The following KCNG2 variants were observed in gnomAD, a reference collection of about 807,000 sequenced individuals.
The protein encoded by KCNG2 is voltage-gated potassium channel regulatory subunit KCNG2.
Under a neutral mutation model 12.3 loss-of-function variants are expected in KCNG2, and 7 were observed. That is an observed-to-expected ratio of 0.57 (90% CI 0.32 to 1.07). The LOEUF (loss-of-function observed/expected upper bound fraction) is 1.07. KCNG2 is among the 50% of genes least tolerant of loss of function. The pLI is 0.04. For missense variants in KCNG2, 703 were observed against 726.0 expected (o/e 0.97, Z 0.36); for synonymous variants, 414 against 351.4 (o/e 1.18, Z -1.99).
chr18:79,864,572 G>T (rs1428190360), intron 3 of KCNG2, among the ~76,000 whole-genome samples: 1 of 152,232 alleles, frequency 6.6e-6, no homozygotes, highest in African/African-American at 2.4e-5. Context: ...CGGTCCACAG[G>T]CCGCCGGAAA....
intron 1 of KCNG2, among the ~76,000 whole-genome samples, chr18:79,845,029 C>G (rs1978576673): frequency 6.6e-6 from 1 of 152,166 alleles, no homozygotes; most frequent in African/African-American, 2.4e-5. Context: ...AAAATGTTCT[C>G]CCACTTGTGG....
At position 79,800,422 on chromosome 18, in the gene KCNG2, C is replaced by T. The variant is rs1357014218; in HGVS notation, c.-115+2408C>T. ...GTCGCTCAGACACAAACGGGTGCTG[C>T]CATCAGGTAGCCCAGCCGGTAGGCA... On this transcript the variant is annotated intron_variant, in intron 1 of 3. Transcript: ENST00000316249. The surrounding 1 kb of genome is among the most constrained non-coding windows in gnomAD (Gnocchi z 4.0). 2.6e-5 allele frequency among the ~76,000 whole-genome samples: 4 copies of T among 152,164 alleles called. No homozygotes were observed. The highest frequency in any genetic ancestry group is 5.9e-5 in the Non-Finnish European group (4 of 68,030).
At chr18:79,832,477 ATCCTCACCTGCCCT>A (rs975699949) in intron 1 of KCNG2, among the ~76,000 whole-genome samples, 4 of 145,644 alleles carry the variant, frequency 2.7e-5, no homozygotes, top group African/African-American at 5.1e-5. Context: ...TCACCTGCCC[ATCCTCACCTGCCCT>A]TCCTCACCTG....
chr18:79,895,045 TTG>T, intron 3 of KCNG2, among the ~76,000 whole-genome samples: 1 of 152,036 alleles, frequency 6.6e-6, no homozygotes, highest in African/African-American at 2.4e-5. Context: ...CTGTCTGCTT[TTG>T]ATTGGGTTGT....
intron 3 of KCNG2, among the ~76,000 whole-genome samples, chr18:79,890,242 C>T (rs1980698310): frequency 6.6e-6 from 1 of 152,158 alleles, no homozygotes; most frequent in Non-Finnish European, 1.5e-5. Context: ...ATTCTCTCCA[C>T]TTCTGTATTT....
chr18:79,865,345 T>G (rs1419601057), intron 3 of KCNG2, among the ~76,000 whole-genome samples: 2 of 89,338 alleles, frequency 2.2e-5, no homozygotes, highest in Non-Finnish European at 2.2e-5. Context: ...GGTGCTGAGG[T>G]CTGGGTGCTG....
Position 79,863,928 on chromosome 18 carries a change from A to G in KCNG2, c.261A>G (p.Ala87=). 7.3e-7 allele frequency: 1 copy of G among 1,371,260 alleles called. No homozygotes were observed. The highest frequency in any genetic ancestry group is 3.1e-5 in the East Asian group (1 of 32,692). The allele number at this position is 1,371,260 out of a possible 1,614,324, so 84.9% of individuals were successfully genotyped here. A position where few individuals can be genotyped will look rare whatever the true frequency, so the allele number is the denominator to read the frequency against. The change falls in exon 3 of 4, where the codon GCA becomes GCG. Residue 87 remains alanine (A), a synonymous_variant. Transcript: ENST00000316249. ...GCGCCATCGTGGCGCTTTTGCGCGCAGGGAAGCTGCGACTGCTGCGGGGCC... is the reference window on the plus strand; with the variant it reads ...GCGCCATCGTGGCGCTTTTGCGCGCGGGGAAGCTGCGACTGCTGCGGGGCC... ...AFRAIVALLR[A]GKLRLLRGPC...
At chr18:79,825,186 G>A (rs1165444579) in intron 1 of KCNG2, among the ~76,000 whole-genome samples, 1 of 152,172 alleles carries the variant, frequency 6.6e-6, no homozygotes, top group East Asian at 1.9e-4. Flanking sequence ...TGGTGTCTCT[G>A]TTTCCCGAGA....
intron 1 of KCNG2, among the ~76,000 whole-genome samples, chr18:79,818,116 C>G (rs997360878): frequency 6.6e-6 from 1 of 152,238 alleles, no homozygotes; most frequent in South Asian, 2.1e-4. Context: ...CCAGGAAGAA[C>G]GAGCCACAGA....
intron 1 of KCNG2, among the ~76,000 whole-genome samples, chr18:79,798,694 C>T (rs1326830973): frequency 6.6e-6 from 1 of 152,226 alleles, no homozygotes; most frequent in African/African-American, 2.4e-5. Context: ...GCCCATGCGC[C>T]CCGTCCTCCG....
rs187826576 is a variant in KCNG2 at position 79,809,868 on chromosome 18, T to C, written c.-115+11854T>C. Among the ~76,000 whole-genome samples the C allele has an allele frequency of 4.6e-3, 708 of 152,310 alleles. 3 individuals are homozygous for C. Among genetic ancestry groups the C allele is most frequent in the Non-Finnish European group, 5.4e-3 (370 of 68,012 alleles). On this transcript the variant is annotated intron_variant, in intron 1 of 3. Transcript: ENST00000316249. ...GTGGCTGCCCTCTGCGTCTCCTTCA[T>C]TGTTGCCGGTTTTAAAGCTTCTCCT...
Position 79,803,090 on chromosome 18 carries a change from A to G in KCNG2, c.-115+5076A>G, listed in dbSNP as rs2087423532. Among the ~76,000 whole-genome samples the G allele has an allele frequency of 6.6e-6, 1 of 152,180 alleles. No individual in the cohort carries two copies. Among genetic ancestry groups the G allele is most frequent in the Non-Finnish European group, 1.5e-5 (1 of 68,030 alleles). On this transcript the variant is annotated intron_variant, in intron 1 of 3. Coordinates refer to ENST00000316249, the MANE Select transcript of KCNG2 (RefSeq NM_012283.2). The surrounding 1 kb of genome is among the most constrained non-coding windows in gnomAD (Gnocchi z 4.5). ...CTGCTTGGGAGGCTGAGGCAGGAGAATCGCTTGAACCCGGAAGGCGGAGCT... is the reference window on the plus strand; with the variant it reads ...CTGCTTGGGAGGCTGAGGCAGGAGAGTCGCTTGAACCCGGAAGGCGGAGCT...
intron 2 of KCNG2, among the ~76,000 whole-genome samples, chr18:79,857,322 T>A (rs566580004): frequency 1.3e-5 from 2 of 150,980 alleles, no homozygotes; most frequent in East Asian, 4.1e-4. Context: ...TATGGAGCGC[T>A]TCTCTCCTGG....
chr18:79,852,485 A>G (rs1045513812), intron 1 of KCNG2, among the ~76,000 whole-genome samples: 1 of 152,266 alleles, frequency 6.6e-6, no homozygotes, highest in African/African-American at 2.4e-5. Context: ...AAGCGGGGGA[A>G]GCGTTCCCTT....
chr18:79,867,201 G>A (rs1357833283), intron 3 of KCNG2, among the ~76,000 whole-genome samples: 2 of 151,930 alleles, frequency 1.3e-5, no homozygotes, highest in Admixed American at 6.6e-5. Flanking sequence ...AGATCTGGGT[G>A]CTGAGAGATC....
At chr18:79,873,213 C>T (rs975432675) in intron 3 of KCNG2, among the ~76,000 whole-genome samples, 1 of 152,248 alleles carries the variant, frequency 6.6e-6, no homozygotes, top group African/African-American at 2.4e-5. Flanking sequence ...ACCACCCTCT[C>T]CACCCAGCGT....
At chr18:79,865,752 CTG>C (rs2123074233) in intron 3 of KCNG2, among the ~76,000 whole-genome samples, 1 of 92,766 alleles carries the variant, frequency 1.1e-5, no homozygotes, top group African/African-American at 4.0e-5. Context: ...GTGCTGAGGT[CTG>C]GGTGCTGAGA....
chr18:79,852,254 C>T (rs28691615), intron 1 of KCNG2, among the ~76,000 whole-genome samples: 34,370 of 152,176 alleles, frequency 0.23, 4,248 homozygotes, highest in African/African-American at 0.33. Context: ...AAGCGCCCGC[C>T]CCGGGGAAAA....
Position 79,863,912 on chromosome 18 carries a change from TG to T in KCNG2, c.247del (p.Ala83ArgfsTer114). ...AGCCCGTGCGCCTTCCGCGCCATCG[TG>T]GCGCTTTTGCGCGCAGGGAAGCTGC... The part of the protein sequence containing the change: ...DRSPCAFRAI[V>X]ALLRAGKLRL... On this transcript the variant is annotated frameshift_variant, in exon 3 of 4. Coordinates refer to ENST00000316249, the MANE Select transcript of KCNG2 (RefSeq NM_012283.2). LOFTEE classifies it high-confidence loss of function. The T allele has an allele frequency of 7.1e-7, 1 of 1,405,220 alleles. No homozygotes were observed. 87.0% of individuals were successfully genotyped at this position (1,405,220 alleles called of 1,614,324 possible). A position where few individuals can be genotyped will look rare whatever the true frequency, so the allele number is the denominator to read the frequency against.
Sources: allele counts gnomAD v4.1 joint callset (sites outside exome capture counted in the v4.1 genomes callset), GRCh38; gene constraint gnomAD v4.1.1; non-coding constraint Gnocchi (gnomAD v3.1); transcripts MANE v1.5; gene names NCBI Gene and HGNC (gene_info 2026-07-23, HGNC 2026-07-21).